ROBO1: variants seen among roughly 807,000 people sequenced by gnomAD.
ROBO1 encodes roundabout homolog 1.
ROBO1 carries 149 observed loss-of-function variants against 195.9 expected under a neutral mutation model. The ratio of observed to expected loss-of-function variants is 0.76; its 90% CI spans 0.67 to 0.87. The LOEUF (loss-of-function observed/expected upper bound fraction) is 0.87. Ranked by LOEUF, ROBO1 falls within the 40% of genes least tolerant of loss-of-function variation. The pLI is 0.00. For missense variants in ROBO1, 1,933 were observed against 2,068.3 expected (o/e 0.93, Z 1.27); for synonymous variants, 816 against 733.2 (o/e 1.11, Z -1.82).
chr3:78,608,267 G>A (rs754032210), intron 28 of ROBO1, among the ~76,000 whole-genome samples: 12 of 151,814 alleles, frequency 7.9e-5, no homozygotes, highest in Non-Finnish European at 1.3e-4. Flanking sequence ...CACCACACCC[G>A]ATTAACTTTT....
intron 3 of ROBO1, among the ~76,000 whole-genome samples, chr3:78,954,960 T>TG (rs2040966633): frequency 6.6e-6 from 1 of 151,750 alleles, no homozygotes; most frequent in Non-Finnish European, 1.5e-5. Flanking sequence ...CTTTTTTTTT[T>TG]TTTTTTACTT....
At position 78,963,494 on chromosome 3, in the gene ROBO1, G is replaced by GTTTTTTTTTTTTTTTT. The variant is rs750158094; in HGVS notation, c.173-24583_173-24568dup. Among the ~76,000 whole-genome samples the GTTTTTTTTTTTTTTTT allele has an allele frequency of 1.9e-4, 14 of 72,304 alleles. 3 individuals are homozygous for GTTTTTTTTTTTTTTTT. The highest frequency in any genetic ancestry group is 2.7e-4 in the Non-Finnish European group (12 of 44,040). The allele number at this position is 72,304 out of a possible 152,430, so 47.4% of individuals were successfully genotyped here. The stretch of plus-strand genomic sequence containing the variant: ...GAGAAGATCCAGAGGAAAACCTTCA[G>GTTTTTTTTTTTTTTTT]TTTTTTTTTTTTTTTTTTTTTTTTT... On this transcript the variant is annotated intron_variant, in intron 3 of 30. Transcript: ENST00000464233.
intron 29 of ROBO1, among the ~76,000 whole-genome samples, chr3:78,601,477 T>G (rs1043833222): frequency 6.6e-6 from 1 of 152,184 alleles, no homozygotes; most frequent in African/African-American, 2.4e-5. Flanking sequence ...AGGATGACTG[T>G]TTCTGCAGCT....
intron 2 of ROBO1, among the ~76,000 whole-genome samples, chr3:79,552,234 A>T (rs955154537): frequency 2.0e-5 from 3 of 151,950 alleles, no homozygotes; most frequent in Non-Finnish European, 4.4e-5. Flanking sequence ...AACACATACT[A>T]TATCTCTTGA....
intron 2 of ROBO1, among the ~76,000 whole-genome samples, chr3:79,523,472 CTTTTTTTTTTTTTT>C (rs11357932): frequency 1.0e-5 from 1 of 100,438 alleles, no homozygotes; most frequent in African/African-American, 4.5e-5. Flanking sequence ...TTTTTTTTTT[CTTTTTTTTTTTTTT>C]TTTGAGAAGG....
intron 1 of ROBO1, among the ~76,000 whole-genome samples, chr3:79,679,479 G>C (rs1946880441): frequency 6.6e-6 from 1 of 151,970 alleles, no homozygotes; most frequent in African/African-American, 2.4e-5. Flanking sequence ...ACTGTGAGAA[G>C]TATTAAAGTT....
chr3:79,228,377 G>C (rs1213342739), intron 2 of ROBO1, among the ~76,000 whole-genome samples: 1 of 152,094 alleles, frequency 6.6e-6, no homozygotes, highest in Admixed American at 6.6e-5. Context: ...ATCAATACTT[G>C]CTGATAATAT....
At chr3:79,165,087 A>G (rs1196414635) in intron 2 of ROBO1, among the ~76,000 whole-genome samples, 2 of 152,168 alleles carry the variant, frequency 1.3e-5, no homozygotes, top group Non-Finnish European at 2.9e-5. Flanking sequence ...ACTGGAATGT[A>G]AGCGCCATAA....
intron 1 of ROBO1, among the ~76,000 whole-genome samples, chr3:79,634,501 A>G (rs1281290501): frequency 1.3e-5 from 2 of 152,248 alleles, no homozygotes; most frequent in African/African-American, 4.8e-5. Flanking sequence ...CTTTGACAAT[A>G]CAGTAAATTT....
intron 2 of ROBO1, among the ~76,000 whole-genome samples, chr3:79,420,493 C>A (rs2038180199): frequency 6.6e-6 from 1 of 152,068 alleles, no homozygotes; most frequent in Non-Finnish European, 1.5e-5. Flanking sequence ...ATAAGGATAG[C>A]ATATCCTGGT....
intron 2 of ROBO1, among the ~76,000 whole-genome samples, chr3:79,175,880 G>A (rs1576775252): frequency 6.6e-6 from 1 of 152,166 alleles, no homozygotes; most frequent in Non-Finnish European, 1.5e-5. Context: ...TATACATGTT[G>A]TATGAATTGT....
chr3:79,038,639 T>C (rs1281195658), intron 3 of ROBO1, among the ~76,000 whole-genome samples: 1 of 151,794 alleles, frequency 6.6e-6, no homozygotes, highest in Non-Finnish European at 1.5e-5. Context: ...TACTATAAAC[T>C]GAATTCCTAC....
In ROBO1 at chr3:79,219,863, T is replaced by C. The variant is rs183991809; in HGVS notation, c.89-94324A>G. Among the ~76,000 whole-genome samples, 806 of 152,152 alleles carry C rather than the reference T, an allele frequency of 5.3e-3. 1 individual carries two copies. Among genetic ancestry groups the C allele is most frequent in the Middle Eastern group, 0.01 (3 of 294 alleles). On this transcript the variant is annotated intron_variant, in intron 2 of 30. Coordinates refer to ENST00000464233, the MANE Select transcript of ROBO1 (RefSeq NM_002941.4). ...CCTTACAGCAGTGATAAATATGTTTTGATCATCTAAAGTCATAATACAAAA... is the reference window on the plus strand; with the variant it reads ...CCTTACAGCAGTGATAAATATGTTTCGATCATCTAAAGTCATAATACAAAA...
intron 2 of ROBO1, among the ~76,000 whole-genome samples, chr3:79,225,219 T>G (rs2082205906): frequency 6.6e-6 from 1 of 152,050 alleles, no homozygotes; most frequent in South Asian, 2.1e-4. Flanking sequence ...GTATATAAAG[T>G]TAGTGAGGAA....
intron 14 of ROBO1, among the ~76,000 whole-genome samples, chr3:78,663,633 T>C (rs2107680130): frequency 6.6e-6 from 1 of 152,284 alleles, no homozygotes; most frequent in South Asian, 2.1e-4. Flanking sequence ...TATTCTTCAG[T>C]TTCCTTATGC....
At chr3:79,563,532 G>A (rs920561631) in intron 2 of ROBO1, among the ~76,000 whole-genome samples, 1 of 151,986 alleles carries the variant, frequency 6.6e-6, no homozygotes, top group African/African-American at 2.4e-5. Flanking sequence ...TAAACACAAT[G>A]CAAAATAATG....
At chr3:79,290,213 T>A (rs2032157955) in intron 2 of ROBO1, among the ~76,000 whole-genome samples, 1 of 152,014 alleles carries the variant, frequency 6.6e-6, no homozygotes, top group Non-Finnish European at 1.5e-5. Context: ...TTTATCTTTT[T>A]AGTAGAGACA....
Position 79,604,650 on chromosome 3 carries a change from C to T in ROBO1, c.-50-14689G>A, listed in dbSNP as rs541510786. 5.9e-5 allele frequency among the ~76,000 whole-genome samples: 9 copies of T among 152,070 alleles called. 1 individual carries two copies. The highest frequency in any genetic ancestry group is 6.8e-3 in the Middle Eastern group (2 of 294). ...TGATACTGTGGGTGGGTGCCCAATT[C>T]CTCAGTACTAAATATAAGTTATTGC... On this transcript the variant is annotated intron_variant, in intron 1 of 30. Coordinates refer to ENST00000464233, the MANE Select transcript of ROBO1 (RefSeq NM_002941.4).
At chr3:79,262,338 G>C (rs558394984) in intron 2 of ROBO1, among the ~76,000 whole-genome samples, 1 of 152,024 alleles carries the variant, frequency 6.6e-6, no homozygotes, top group South Asian at 2.1e-4. Context: ...AATCAAGTTT[G>C]GGGAAAAAAC....
Sources: gnomAD v4.1 joint callset for allele counts (sites outside exome capture counted in the v4.1 genomes callset) on GRCh38, gnomAD v4.1.1 for gene constraint, MANE v1.5 for transcripts, NCBI Gene and HGNC (gene_info 2026-07-23, HGNC 2026-07-21) for gene names.